The following UBE2V2 variants were observed in gnomAD, a reference collection of about 807,000 sequenced individuals.
UBE2V2 encodes the protein ubiquitin conjugating enzyme E2 V2, also known as ubiquitin-conjugating enzyme E2 variant 2.
In UBE2V2, 9 loss-of-function variants were observed where a neutral mutation model predicts 17.2. That is an observed-to-expected ratio of 0.52 (90% CI 0.32 to 0.91). UBE2V2 has a LOEUF of 0.91. UBE2V2 is among the 40% of genes least tolerant of loss of function. The pLI, the probability that UBE2V2 is intolerant of heterozygous loss-of-function variation, is 0.04. For synonymous variants in UBE2V2, 61 were observed against 57.5 expected (o/e 1.06, Z -0.28); for missense variants, 133 against 182.6 (o/e 0.73, Z 1.56).
In UBE2V2 at chr8:48,017,652, C is replaced by T. The variant is rs555920595; in HGVS notation, c.16+9182C>T. On this transcript the variant is annotated intron_variant, in intron 1 of 3. Coordinates refer to ENST00000523111, the MANE Select transcript of UBE2V2 (RefSeq NM_003350.3). ...CCTCCCAAAGTGCTAGGATTACAGG[C>T]GAGAGCCACCGCGCCTGCCAGTTCT... is the stretch of plus-strand genomic sequence containing the variant. Among the ~76,000 whole-genome samples, 11 of 151,736 alleles carry T rather than the reference C, an allele frequency of 7.2e-5. No individual in the cohort carries two copies. The South Asian group carries it at 8.3e-4, about 12-fold the overall frequency.
chr8:48,037,575 C>T (rs1258103049), intron 1 of UBE2V2, among the ~76,000 whole-genome samples: 1 of 152,190 alleles, frequency 6.6e-6, no homozygotes, highest in African/African-American at 2.4e-5. Flanking sequence ...ATGTTACCTC[C>T]TCCTTCTTAC....
At chr8:48,036,580 C>G (rs534717170) in intron 1 of UBE2V2, among the ~76,000 whole-genome samples, 1 of 151,258 alleles carries the variant, frequency 6.6e-6, no homozygotes, top group East Asian at 2.0e-4. Flanking sequence ...ATTACAGGCA[C>G]GCACCACCAC....
At chr8:48,019,521 T>C (rs1287958519) in intron 1 of UBE2V2, among the ~76,000 whole-genome samples, 1 of 147,616 alleles carries the variant, frequency 6.8e-6, no homozygotes, top group African/African-American at 2.5e-5. Flanking sequence ...AGAGCGAGAC[T>C]GTCTCAAAAA....
intron 2 of UBE2V2, 91 bp from the exon 3 acceptor site, chr8:48,049,762 T>C: frequency 6.0e-6 from 7 of 1,171,620 alleles, no homozygotes; most frequent in Middle Eastern, 2.6e-4. Context: ...CGTACATTCA[T>C]ATTGTACTTT....
chr8:48,006,713 A>G (rs953592950), upstream of UBE2V2, among the ~76,000 whole-genome samples: 3 of 152,224 alleles, frequency 2.0e-5, no homozygotes, highest in Admixed American at 2.0e-4. Flanking sequence ...CAATAGATGC[A>G]GAAAAGGCTT....
At chr8:48,025,337 G>A (rs2091334346) in intron 1 of UBE2V2, among the ~76,000 whole-genome samples, 1 of 150,634 alleles carries the variant, frequency 6.6e-6, no homozygotes, top group African/African-American at 2.4e-5. Flanking sequence ...GTGCGATCTC[G>A]GCTCACTGCA....
intron 3 of UBE2V2, among the ~76,000 whole-genome samples, chr8:48,054,728 G>A (rs1183547079): frequency 1.4e-4 from 22 of 152,158 alleles, no homozygotes; most frequent in Admixed American, 6.5e-5. Flanking sequence ...TTAATACGAC[G>A]AGGCAAAGTT....
chr8:48,027,224 C>T (rs1431862496), intron 1 of UBE2V2, among the ~76,000 whole-genome samples: 1 of 152,158 alleles, frequency 6.6e-6, no homozygotes, highest in African/African-American at 2.4e-5. Flanking sequence ...TGGTCTTGAT[C>T]TCTTGACCTC....
upstream of UBE2V2, chr8:48,008,294 G>C: frequency 2.4e-6 from 2 of 830,634 alleles, no homozygotes; most frequent in Non-Finnish European, 3.3e-6. Context: ...CAGCAGCGAG[G>C]CCCCGCGACC....
At chr8:48,001,225 T>C in the UBE2V2 span, among the ~76,000 whole-genome samples, 16 of 152,276 alleles carry the variant, frequency 1.1e-4, no homozygotes, top group African/African-American at 3.8e-4. Context: ...TAAGCCTGCT[T>C]GTCATTCCTT....
rs934421477 is a variant in UBE2V2 at position 48,010,399 on chromosome 8, G to GTT, written c.16+1948_16+1949dup. ...GGTGAGCCACCGTTCCCATCTACTA[G>GTT]TTTTTTTTTTTTTTTTTTTTGAGAC... On this transcript the variant is annotated intron_variant, in intron 1 of 3. Coordinates refer to ENST00000523111, the MANE Select transcript of UBE2V2 (RefSeq NM_003350.3). Among the ~76,000 whole-genome samples, 74 of 122,992 alleles carry GTT rather than the reference G, an allele frequency of 6.0e-4. 1 individual carries two copies. Among genetic ancestry groups the GTT allele is most frequent in the African/African-American group, 1.7e-3 (54 of 31,390 alleles). The allele number at this position is 122,992 out of a possible 152,430, so 80.7% of individuals were successfully genotyped here.
At chr8:48,000,187 T>G in the UBE2V2 span, among the ~76,000 whole-genome samples, 1 of 152,224 alleles carries the variant, frequency 6.6e-6, no homozygotes, top group East Asian at 1.9e-4. Flanking sequence ...AACTAGAATT[T>G]CTATACGTCT....
intron 1 of UBE2V2, among the ~76,000 whole-genome samples, chr8:48,016,520 T>C (rs980922679): frequency 3.9e-5 from 6 of 152,074 alleles, no homozygotes; most frequent in African/African-American, 7.2e-5. Flanking sequence ...TTGGCTCTTG[T>C]TGCCCAGGCT....
intron 1 of UBE2V2, among the ~76,000 whole-genome samples, chr8:48,015,102 G>A (rs1339271709): frequency 3.4e-4 from 52 of 151,884 alleles, no homozygotes; most frequent in Admixed American, 3.4e-3. Flanking sequence ...TTGAGGCTGG[G>A]TGCAGTGGCT....
chr8:48,035,541 G>A (rs962438748), intron 1 of UBE2V2, among the ~76,000 whole-genome samples: 2 of 151,336 alleles, frequency 1.3e-5, no homozygotes, highest in East Asian at 1.9e-4. Flanking sequence ...GGCATTCTGC[G>A]CCCTGTTTTT....
At chr8:48,014,046 G>T (rs1236646173) in intron 1 of UBE2V2, among the ~76,000 whole-genome samples, 1 of 152,142 alleles carries the variant, frequency 6.6e-6, no homozygotes, top group African/African-American at 2.4e-5. Flanking sequence ...TCATAACCTA[G>T]AACTTGGGAA....
chr8:48,037,252 T>C (rs1025238698), intron 1 of UBE2V2, among the ~76,000 whole-genome samples: 1 of 152,240 alleles, frequency 6.6e-6, no homozygotes, highest in Non-Finnish European at 1.5e-5. Flanking sequence ...GGTTGTTTCT[T>C]TTAGAATCAG....
Position 48,061,080 on chromosome 8 carries a change from A to C in UBE2V2, c.*252A>C, listed in dbSNP as rs960870727. The stretch of plus-strand genomic sequence containing the variant: ...TAAACATAAACCTGGAGTACTCGAA[A>C]TAGAATTCAGGTTTACAAGATGAAA... On this transcript the variant is annotated 3_prime_UTR_variant, in exon 4 of 4. Transcript: ENST00000523111. 1.2e-5 allele frequency: 3 copies of C among 256,444 alleles called. No homozygotes were observed. Among genetic ancestry groups the C allele is most frequent in the Non-Finnish European group, 2.2e-5 (3 of 136,882 alleles). 15.9% of individuals were successfully genotyped at this position (256,444 alleles called of 1,614,324 possible). A position where few individuals can be genotyped will look rare whatever the true frequency, so the allele number is the denominator to read the frequency against.
chr8:48,042,368 C>G (rs563841242), intron 1 of UBE2V2: 5 of 152,226 alleles, frequency 3.3e-5, no homozygotes, highest in African/African-American at 1.2e-4. Context: ...ATAATGTTTT[C>G]TTTAAAGAGA....
Sources: gnomAD v4.1 joint callset for allele counts (sites outside exome capture counted in the v4.1 genomes callset) on GRCh38, gnomAD v4.1.1 for gene constraint, MANE v1.5 for transcripts, NCBI Gene and HGNC (gene_info 2026-07-23, HGNC 2026-07-21) for gene names.